Variants in SPINK5 observed in about 807,000 individuals in gnomAD.
SPINK5 encodes the protein serine peptidase inhibitor Kazal type 5.
In SPINK5, 125 loss-of-function variants were observed where a neutral mutation model predicts 151.8. The observed-to-expected ratio is 0.82, with a 90% CI of 0.71 to 0.96. The LOEUF (loss-of-function observed/expected upper bound fraction) is 0.96, where lower values mean the gene tolerates loss of function less well. Ranked by LOEUF, SPINK5 falls within the 40% of genes least tolerant of loss-of-function variation. SPINK5 has a pLI of 0.00. For missense variants in SPINK5, 1,194 were observed against 1,291.9 expected, an observed-to-expected ratio of 0.92 and a Z score of 1.16; for synonymous variants, 374 against 395.3, an observed-to-expected ratio of 0.95 and a Z score of 0.64.
rs998556280 is a variant in SPINK5 at position 148,106,240 on chromosome 5, A to G, written c.1480-797A>G. 3.9e-5 allele frequency among the ~76,000 whole-genome samples: 6 copies of G among 152,108 alleles called. No homozygotes were observed. In the Middle Eastern group the frequency reaches 0.01, roughly 259 times the overall value. Reference sequence around the variant, plus strand: ...CCTGGTTTTTAATTTTTTTAAATCAATTTACTCCCAGAAATATGTTAGTTT... The same window carrying G: ...CCTGGTTTTTAATTTTTTTAAATCAGTTTACTCCCAGAAATATGTTAGTTT... On this transcript the variant is annotated intron_variant, in intron 16 of 32. Transcript: ENST00000256084.
chr5:148,069,898 T>C (rs1194867701), intron 2 of SPINK5, among the ~76,000 whole-genome samples: 1 of 152,154 alleles, frequency 6.6e-6, no homozygotes, highest in African/African-American at 2.4e-5. Flanking sequence ...GGAACTGATA[T>C]GTTGCAGTAC....
intron 4 of SPINK5, among the ~76,000 whole-genome samples, chr5:148,084,185 T>C (rs1426868256): frequency 6.6e-6 from 1 of 151,954 alleles, no homozygotes; most frequent in African/African-American, 2.4e-5. Flanking sequence ...GATATTCTTA[T>C]TGTAATATTC....
chr5:148,132,945 C>A (rs1364274280), intron 31 of SPINK5, among the ~76,000 whole-genome samples: 1 of 152,116 alleles, frequency 6.6e-6, no homozygotes, highest in African/African-American at 2.4e-5. Context: ...TATACCTTAT[C>A]TCCAGCCCAG....
intron 10 of SPINK5, 138 bp from the exon 11 acceptor site, chr5:148,097,729 C>A: frequency 2.5e-6 from 2 of 811,484 alleles, no homozygotes; most frequent in Non-Finnish European, 3.7e-6. Context: ...AGAGAAATAT[C>A]ACAATTTTTG....
At chr5:148,124,742 C>CTTTTT in intron 27 of SPINK5, 23 bp from the exon 28 acceptor site, 1 of 1,374,026 alleles carries the variant, frequency 7.3e-7, no homozygotes, top group Non-Finnish European at 9.9e-7. Context: ...ATTACCCTAT[C>CTTTTT]TTTTTTTTTA....
intron 30 of SPINK5, among the ~76,000 whole-genome samples, chr5:148,128,341 TATC>T (rs1754486525): frequency 6.6e-6 from 1 of 151,968 alleles, no homozygotes; most frequent in Non-Finnish European, 1.5e-5. Context: ...AGAAATAAGA[TATC>T]ATCAGCAGAC....
intron 4 of SPINK5, among the ~76,000 whole-genome samples, chr5:148,073,104 G>T (rs1173161615): frequency 6.6e-6 from 1 of 151,808 alleles, no homozygotes; most frequent in Non-Finnish European, 1.5e-5. Flanking sequence ...ACAAAGCTGG[G>T]ACTACCACCA....
At chr5:148,122,733 T>G (rs1754302361) in intron 26 of SPINK5, among the ~76,000 whole-genome samples, 1 of 152,188 alleles carries the variant, frequency 6.6e-6, no homozygotes, top group South Asian at 2.1e-4. Context: ...AATTCAACAC[T>G]GACTTTATTT....
intron 16 of SPINK5, among the ~76,000 whole-genome samples, chr5:148,106,738 G>C (rs1022502849): frequency 6.6e-6 from 1 of 152,058 alleles, no homozygotes; most frequent in Admixed American, 6.6e-5. Context: ...CTCCAGGAAG[G>C]CTTCTCATCT....
intron 5 of SPINK5, among the ~76,000 whole-genome samples, chr5:148,087,811 T>C (rs1753201855): frequency 6.6e-6 from 1 of 151,872 alleles, no homozygotes; most frequent in Non-Finnish European, 1.5e-5. Context: ...GTTGTTTCCC[T>C]TGCAGCTCTA....
intron 17 of SPINK5, among the ~76,000 whole-genome samples, chr5:148,108,203 G>C (rs1013575383): frequency 1.1e-4 from 16 of 152,212 alleles, no homozygotes; most frequent in African/African-American, 3.9e-4. Context: ...TATTAGGCTT[G>C]TGTTCAACCC....
At position 148,088,671 on chromosome 5, in the gene SPINK5, C is replaced by G. The variant is rs7711953; in HGVS notation, c.474+66C>G. On this transcript the variant is annotated intron_variant, in intron 6 of 32. Transcript: ENST00000256084. The stretch of plus-strand genomic sequence containing the variant: ...TAACTTCAAATAGTAAGTAGGTGCT[C>G]TCCTCTTCCTTCTTAGGTGGGAGCC... The G allele has an allele frequency of 0.51, 756,501 of 1,488,210 alleles. 194,987 individuals are homozygous for G. The highest frequency in any genetic ancestry group is 0.66 in the Admixed American group (38,840 of 58,594). The allele number at this position is 1,488,210 out of a possible 1,614,324, so 92.2% of individuals were successfully genotyped here.
At chr5:148,105,033 T>C in intron 16 of SPINK5, 33 bp downstream of exon 16, 1 of 1,607,460 alleles carries the variant, frequency 6.2e-7, no homozygotes, top group Non-Finnish European at 8.5e-7. Flanking sequence ...TGCTGTGCCC[T>C]GACATTTTTC....
chr5:148,120,389 G>C lies in SPINK5; in HGVS notation c.2536G>C (p.Glu846Gln), dbSNP rs1385237316. 1 of 1,596,140 alleles carries C rather than the reference G, an allele frequency of 6.3e-7. No individual in the cohort carries two copies. The highest frequency in any genetic ancestry group is 8.5e-7 in the Non-Finnish European group (1 of 1,170,192). ...TACAGGAGAAAGGAGCAATGACAAAGAGGTAATAGATGTTAGACACGCTAA... is the reference window on the plus strand; with the variant it reads ...TACAGGAGAAAGGAGCAATGACAAACAGGTAATAGATGTTAGACACGCTAA... The part of the protein sequence containing the change: ...SNTGERSNDK[E>Q]DLCREFRSMQ... Residue 846 changes from glutamate (E) to glutamine (Q), a missense_variant and splice_region_variant, in exon 26 of 33, where the codon GAG (glutamate) becomes CAG (glutamine). Coordinates refer to ENST00000256084, the MANE Select transcript of SPINK5 (RefSeq NM_006846.4).
chr5:148,121,616 A>C (rs540180138), intron 26 of SPINK5, among the ~76,000 whole-genome samples: 1 of 150,256 alleles, frequency 6.7e-6, no homozygotes, highest in Non-Finnish European at 1.5e-5. Flanking sequence ...GAACAGAAAA[A>C]TGCTATATAT....
At chr5:148,117,534 T>C (rs1358616802) in intron 22 of SPINK5, among the ~76,000 whole-genome samples, 2 of 152,162 alleles carry the variant, frequency 1.3e-5, no homozygotes, top group African/African-American at 4.8e-5. Context: ...AAAAATAATA[T>C]CTGAATAAAT....
chr5:148,080,730 G>A (rs1415518511), intron 4 of SPINK5, among the ~76,000 whole-genome samples: 2 of 151,416 alleles, frequency 1.3e-5, no homozygotes, highest in African/African-American at 2.4e-5. Flanking sequence ...ATGAACTTGG[G>A]TAGGTAGAGT....
intron 12 of SPINK5, among the ~76,000 whole-genome samples, chr5:148,099,903 A>T (rs776866947): frequency 5.3e-5 from 8 of 152,142 alleles, no homozygotes; most frequent in African/African-American, 1.9e-4. Flanking sequence ...GCAGCTCATC[A>T]TCATATACAG....
intron 17 of SPINK5, among the ~76,000 whole-genome samples, chr5:148,107,731 T>C (rs995561639): frequency 6.6e-6 from 1 of 152,204 alleles, no homozygotes; most frequent in African/African-American, 2.4e-5. Context: ...TACTAAAATG[T>C]CTCCTTGTTA....
Sources: gnomAD v4.1 joint callset for allele counts (sites outside exome capture counted in the v4.1 genomes callset) on GRCh38, gnomAD v4.1.1 for gene constraint, MANE v1.5 for transcripts, NCBI Gene and HGNC (gene_info 2026-07-23, HGNC 2026-07-21) for gene names.